The following EBP variants were observed in gnomAD, a reference collection of about 807,000 sequenced individuals.
The protein encoded by EBP is 3-beta-hydroxysteroid-Delta(8),Delta(7)-isomerase.
Under a neutral mutation model 14.1 loss-of-function variants are expected in EBP, and 1 was observed. That is an observed-to-expected ratio of 0.07 (90% CI 0.03 to 0.34). The LOEUF (loss-of-function observed/expected upper bound fraction) is 0.34. EBP is among the 10% of genes least tolerant of loss of function. EBP has a pLI of 0.99. For synonymous variants in EBP, 72 were observed against 77.7 expected (o/e 0.93, Z 0.38); for missense variants, 123 against 184.6 (o/e 0.67, Z 1.93).
chrX:48,523,812 A>G lies in EBP; in HGVS notation c.41A>G (p.Gln14Arg). ...NAGPLHPYWPQHLRLDNFVPN... is the reference protein window; with the variant it reads ...NAGPLHPYWPRHLRLDNFVPN... ...GGCCCCTTGCACCCATACTGGCCTC[A>G]GCACCTAAGACTGGACAACTTTGTA... The change falls in exon 2 of 5, where the codon CAG (glutamine) becomes CGG (arginine). Residue 14 changes from glutamine to arginine, a missense_variant. Coordinates refer to ENST00000495186, the MANE Select transcript of EBP (RefSeq NM_006579.3). The G allele has an allele frequency of 8.3e-7, 1 of 1,207,334 alleles. No homozygotes were observed. The highest frequency in any genetic ancestry group is 1.1e-6 in the Non-Finnish European group (1 of 894,408).
chrX:48,522,009 C>CCG (rs1250117452), intron 1 of EBP, 102 bp downstream of exon 1: 1 of 109,417 alleles, frequency 9.1e-6, no homozygotes, highest in Non-Finnish European at 1.9e-5. Flanking sequence ...ACCCGCCCCC[C>CCG]CCACCGCCCT....
intron 2 of EBP, among the ~76,000 whole-genome samples, chrX:48,525,313 A>G (rs1399869563): frequency 1.8e-4 from 20 of 112,130 alleles, no homozygotes; most frequent in African/African-American, 6.5e-4. Flanking sequence ...GTAATATGCT[A>G]TATATACTTC....
At chrX:48,527,488 T>C in intron 4 of EBP, 1 of 571,656 alleles carries the variant, frequency 1.7e-6, no homozygotes, top group South Asian at 3.0e-5. Flanking sequence ...TTCATTTTTC[T>C]TCCTCCTCCT....
In EBP at chrX:48,522,008, C is replaced by CCT. The variant is rs1183289102; in HGVS notation, c.-74+102_-74+103insTC. On this transcript the variant is annotated intron_variant, in intron 1 of 4. Transcript: ENST00000495186. ...CGCGAGACCCTTTGCCACCCGCCCC[C>CCT]CCCACCGCCCTTTTGCGCCTGCGCG... The CCT allele has an allele frequency of 3.2e-4, 35 of 109,331 alleles. 1 individual carries two copies. The highest frequency in any genetic ancestry group is 1.1e-3 in the African/African-American group (32 of 29,614). The allele number at this position is 109,331 out of a possible 1,213,427, so 9.0% of individuals were successfully genotyped here.
At chrX:48,525,725 A>G (rs1320050928) in intron 2 of EBP, among the ~76,000 whole-genome samples, 2 of 109,741 alleles carry the variant, frequency 1.8e-5, no homozygotes, top group African/African-American at 6.6e-5. Flanking sequence ...AAGAGCTTTC[A>G]AAGCATGGAC....
At chrX:48,523,522 C>A (rs1268452686) in intron 1 of EBP, among the ~76,000 whole-genome samples, 177 bp from the exon 2 acceptor site, 1 of 103,740 alleles carries the variant, frequency 9.6e-6, no homozygotes. Flanking sequence ...CCACTCCACT[C>A]CAGCCTGGGT....
rs782108293 is a variant in EBP, at chrX:48,523,924, T to A, written c.153T>A (p.Gly51=). The A allele has an allele frequency of 8.3e-7, 1 of 1,211,531 alleles. No homozygotes were observed. ...VLVVTTWLLS[G]RAAVVPLGTW... ...TCGTGACCACATGGCTGTTGTCAGGTCGTGCTGCGGTTGTCCCATTGGGGA... is the reference window on the plus strand; with the variant it reads ...TCGTGACCACATGGCTGTTGTCAGGACGTGCTGCGGTTGTCCCATTGGGGA... The change falls in exon 2 of 5, where the codon GGT becomes GGA. Residue 51 remains glycine, a synonymous_variant. Transcript: ENST00000495186.
Position 48,528,569 on chromosome X carries a change from T to A in EBP, c.*112T>A. ...GACAAAGCTAATTGATCTGTCACAC[T>A]CAGGCTCATGGGCAGGCACAAGAAG... is the stretch of plus-strand genomic sequence containing the variant. On this transcript the variant is annotated 3_prime_UTR_variant, in exon 5 of 5. Coordinates refer to ENST00000495186, the MANE Select transcript of EBP (RefSeq NM_006579.3). 1.4e-6 allele frequency: 1 copy of A among 718,953 alleles called. No individual in the cohort carries two copies. The highest frequency in any genetic ancestry group is 2.3e-5 in the South Asian group (1 of 43,362). 59.2% of individuals were successfully genotyped at this position (718,953 alleles called of 1,213,427 possible).
At chrX:48,524,926 C>A (rs1423472800) in intron 2 of EBP, 2 of 111,494 alleles carry the variant, frequency 1.8e-5, no homozygotes, top group Non-Finnish European at 3.8e-5. Context: ...AACTCCTGGG[C>A]TCAAGCAATC....
intron 1 of EBP, among the ~76,000 whole-genome samples, chrX:48,523,040 AGTCCT>A (rs1556976831): frequency 9.2e-6 from 1 of 108,830 alleles, no homozygotes. Flanking sequence ...TCAGCCTTGA[AGTCCT>A]GGGCTCAAAG....
intron 4 of EBP, 63 bp downstream of exon 4, chrX:48,527,348 C>A: frequency 5.0e-6 from 6 of 1,200,341 alleles, no homozygotes; most frequent in Non-Finnish European, 6.8e-6. Context: ...TCCACAGACA[C>A]AGATGTATCC....
intron 2 of EBP, chrX:48,526,737 C>T (rs1556977504): frequency 1.4e-5 from 6 of 429,659 alleles, no homozygotes; most frequent in Non-Finnish European, 2.5e-5. Context: ...TCTACACCTG[C>T]TTCCTTTTAT....
chrX:48,527,639 T>C, intron 4 of EBP: 1 of 265,791 alleles, frequency 3.8e-6, no homozygotes, highest in Non-Finnish European at 6.9e-6. Context: ...AGGGTCTGGC[T>C]CTGTCACCCA....
chrX:48,527,533 A>G, intron 4 of EBP: 1 of 449,157 alleles, frequency 2.2e-6, no homozygotes. Flanking sequence ...TGAAGGTTAC[A>G]TGAGGTGGCC....
At chrX:48,524,689 G>A (rs2061774112) in intron 2 of EBP, 1 of 108,889 alleles carries the variant, frequency 9.2e-6, no homozygotes, top group Non-Finnish European at 1.9e-5. Flanking sequence ...CTCTAAAACT[G>A]GTAGATAACT....
Position 48,524,147 on chromosome X carries a change from C to G in EBP, c.301+75C>G, listed in dbSNP as rs1556977143. Reference sequence around the variant, plus strand: ...GGATCGGCTTGCATGTTTACCTATCCACCTATTCTTCTTCCATTGATTTAT... The same window carrying G: ...GGATCGGCTTGCATGTTTACCTATCGACCTATTCTTCTTCCATTGATTTAT... On this transcript the variant is annotated intron_variant, in intron 2 of 4. Transcript: ENST00000495186. 10 of 941,574 alleles carry G rather than the reference C, an allele frequency of 1.1e-5. No individual in the cohort carries two copies. The Admixed American group carries it at 2.7e-4, about 25-fold the overall frequency. The allele number at this position is 941,574 out of a possible 1,213,427, so 77.6% of individuals were successfully genotyped here. A position where few individuals can be genotyped will look rare whatever the true frequency, so the allele number is the denominator to read the frequency against.
At chrX:48,524,139 TACCTATCC>T (rs1380734315) in intron 2 of EBP, 67 bp downstream of exon 2, 1 of 1,003,002 alleles carries the variant, frequency 1.0e-6, no homozygotes, top group Non-Finnish European at 1.4e-6. Flanking sequence ...CTTGCATGTT[TACCTATCC>T]ACCTATTCTT....
intron 2 of EBP, among the ~76,000 whole-genome samples, chrX:48,525,043 T>C (rs975207113): frequency 5.3e-5 from 6 of 112,187 alleles, no homozygotes; most frequent in Non-Finnish European, 1.1e-4. Context: ...CAAAAAACCA[T>C]TTAAAGAGAT....
chrX:48,523,572 G>A, intron 1 of EBP, 127 bp from the exon 2 acceptor site: 2 of 359,474 alleles, frequency 5.6e-6, no homozygotes, highest in Non-Finnish European at 9.5e-6. Flanking sequence ...AAAAAAAAAC[G>A]GAATGTAATT....
Sources: gnomAD v4.1 joint callset for allele counts (sites outside exome capture counted in the v4.1 genomes callset) on GRCh38, gnomAD v4.1.1 for gene constraint, MANE v1.5 for transcripts, NCBI Gene and HGNC (gene_info 2026-07-23, HGNC 2026-07-21) for gene names.